Variants in ITPR2 observed in about 807,000 individuals in gnomAD.
The protein encoded by ITPR2 is inositol 1,4,5-trisphosphate-gated calcium channel ITPR2.
Under a neutral mutation model 317.1 loss-of-function variants are expected in ITPR2, and 207 were observed. The observed-to-expected ratio is 0.65, with a 90% CI of 0.58 to 0.73. The LOEUF (loss-of-function observed/expected upper bound fraction) is 0.73, where lower values mean the gene tolerates loss of function less well. Ranked by LOEUF, ITPR2 falls within the 30% of genes least tolerant of loss-of-function variation. The probability of loss-of-function intolerance (pLI) is 0.00; values close to 1 mark genes in which losing one functional copy is unlikely to be tolerated. For missense variants in ITPR2, 2,613 were observed against 3,284.0 expected (o/e 0.80, Z 4.99); for synonymous variants, 1,156 against 1,149.1 (o/e 1.01, Z -0.12).
chr12:26,501,452 T>G (rs2136891085), intron 37 of ITPR2, among the ~76,000 whole-genome samples: 1 of 152,326 alleles, frequency 6.6e-6, no homozygotes, highest in South Asian at 2.1e-4. Context: ...GTTTAATCAT[T>G]TGAACATCTT....
At chr12:26,602,346 G>A in intron 28 of ITPR2, 24 bp downstream of exon 28, 1 of 1,579,592 alleles carries the variant, frequency 6.3e-7, no homozygotes, top group Non-Finnish European at 8.6e-7. Flanking sequence ...AAAAGCTAAA[G>A]AACAAAAAAT....
intron 2 of ITPR2, among the ~76,000 whole-genome samples, chr12:26,737,858 A>G (rs965770402): frequency 6.6e-6 from 1 of 152,210 alleles, no homozygotes; most frequent in East Asian, 1.9e-4. Flanking sequence ...AGTTGTGTTT[A>G]TATTTTGCAG....
chr12:26,741,077 C>T lies in ITPR2; in HGVS notation c.164-15312G>A, dbSNP rs567403397. Among the ~76,000 whole-genome samples, 211 of 152,328 alleles carry T rather than the reference C, an allele frequency of 1.4e-3. 2 individuals carry two copies. Among genetic ancestry groups the T allele is most frequent in the African/African-American group, 4.7e-3 (195 of 41,572 alleles). On this transcript the variant is annotated intron_variant, in intron 2 of 56. Transcript: ENST00000381340. ...TCCACACCTGCTCTTTTCCGAGGAACTCTGCAATTGAGTGGCACCCAATTA... is the reference window on the plus strand; with the variant it reads ...TCCACACCTGCTCTTTTCCGAGGAATTCTGCAATTGAGTGGCACCCAATTA...
At chr12:26,798,930 G>C (rs558083892) in intron 1 of ITPR2, among the ~76,000 whole-genome samples, 3 of 152,338 alleles carry the variant, frequency 2.0e-5, no homozygotes, top group East Asian at 3.9e-4. Flanking sequence ...ATGATGACAA[G>C]AGGAGTTAAG....
intron 2 of ITPR2, among the ~76,000 whole-genome samples, chr12:26,782,037 TAGAGAG>T (rs1177233376): frequency 0.03 from 1,548 of 51,496 alleles, 39 homozygotes; most frequent in African/African-American, 0.066. Context: ...TATATATGTA[TAGAGAG>T]AGAGAGAGAG....
chr12:26,832,603 C>A, intron 1 of ITPR2, 87 bp downstream of exon 1: 1 of 1,008,964 alleles, frequency 9.9e-7, no homozygotes, highest in African/African-American at 1.7e-5. Flanking sequence ...CGCGCGGCAG[C>A]GGGAGGACCG....
chr12:26,496,440 G>A (rs1041850300), intron 37 of ITPR2, among the ~76,000 whole-genome samples: 3 of 152,042 alleles, frequency 2.0e-5, no homozygotes, highest in Admixed American at 2.0e-4. Flanking sequence ...CTCCTCTCCT[G>A]GCTGGCAATT....
intron 48 of ITPR2, 148 bp downstream of exon 48, chr12:26,436,073 C>T (rs879891052): frequency 3.6e-5 from 24 of 662,894 alleles, no homozygotes; most frequent in Non-Finnish European, 5.0e-5. Context: ...CCACACTTTT[C>T]TGCCTGTTCT....
At chr12:26,579,001 C>G (rs1046524637) in intron 33 of ITPR2, among the ~76,000 whole-genome samples, 168 bp from the exon 34 acceptor site, 1 of 152,138 alleles carries the variant, frequency 6.6e-6, no homozygotes, top group Non-Finnish European at 1.5e-5. Flanking sequence ...ATTAGATACT[C>G]TCTTCATGAG....
chr12:26,601,195 C>A (rs1006671729), intron 28 of ITPR2, among the ~76,000 whole-genome samples: 2 of 152,134 alleles, frequency 1.3e-5, no homozygotes, highest in African/African-American at 4.8e-5. Context: ...GTCATGTGGG[C>A]ATTGTTACGA....
At chr12:26,683,630 A>T (rs1045703995) in intron 11 of ITPR2, among the ~76,000 whole-genome samples, 5 of 152,202 alleles carry the variant, frequency 3.3e-5, no homozygotes, top group Non-Finnish European at 7.3e-5. Context: ...TTCGTCAACA[A>T]AAATGTTGCG....
At chr12:26,546,710 C>G (rs948106950) in intron 37 of ITPR2, among the ~76,000 whole-genome samples, 1 of 152,088 alleles carries the variant, frequency 6.6e-6, no homozygotes, top group Non-Finnish European at 1.5e-5. Context: ...AATAGACACA[C>G]AGACCAATGG....
At position 26,681,989 on chromosome 12, in the gene ITPR2, C is replaced by G. The variant is rs771532403; in HGVS notation, c.1294G>C (p.Val432Leu). ...TKEDKEAFAI[V>L]SVPLSEVRDL... ...CGAACTTCAGACAGTGGAACAGACA[C>G]GATTGCGAACGCTTCTTTATCTTCT... is the stretch of plus-strand genomic sequence containing the variant. Residue 432 changes from valine to leucine, a missense_variant, in exon 13 of 57, where the codon GTG becomes CTG. Around this residue, in one of 9 missense-constraint regions of ITPR2, gnomAD observed 515 missense variants for 789.4 expected, o/e 0.65. Transcript: ENST00000381340. 6.2e-7 allele frequency: 1 copy of G among 1,613,638 alleles called. No individual in the cohort carries two copies. Among genetic ancestry groups the G allele is most frequent in the Non-Finnish European group, 8.5e-7 (1 of 1,179,600 alleles).
chr12:26,640,306 T>C (rs1471500377), intron 21 of ITPR2, among the ~76,000 whole-genome samples: 4 of 152,046 alleles, frequency 2.6e-5, no homozygotes, highest in Non-Finnish European at 5.9e-5. Context: ...CAAACCACCA[T>C]GGCACATGTT....
intron 13 of ITPR2, among the ~76,000 whole-genome samples, chr12:26,676,995 C>A (rs1350850719): frequency 6.6e-6 from 1 of 152,040 alleles, no homozygotes; most frequent in Non-Finnish European, 1.5e-5. Context: ...CCAAAGCATG[C>A]CGCGGCACTT....
intron 1 of ITPR2, among the ~76,000 whole-genome samples, chr12:26,811,541 C>G (rs961880822): frequency 5.9e-5 from 9 of 151,910 alleles, no homozygotes; most frequent in African/African-American, 2.2e-4. Flanking sequence ...GTCAGGAGAT[C>G]GAGACCACCC....
At chr12:26,425,465 A>G (rs920929003) in intron 49 of ITPR2, among the ~76,000 whole-genome samples, 2 of 152,062 alleles carry the variant, frequency 1.3e-5, no homozygotes, top group East Asian at 1.9e-4. Context: ...TCAGGAGATC[A>G]AGACCATCCT....
intron 14 of ITPR2, among the ~76,000 whole-genome samples, chr12:26,664,453 G>A (rs1460665220): frequency 6.6e-6 from 1 of 152,212 alleles, no homozygotes; most frequent in African/African-American, 2.4e-5. Flanking sequence ...TTGTAAGAAG[G>A]TTAGCAGTTA....
intron 32 of ITPR2, among the ~76,000 whole-genome samples, chr12:26,593,150 T>C (rs1945750481): frequency 6.6e-6 from 1 of 152,200 alleles, no homozygotes; most frequent in Non-Finnish European, 1.5e-5. Flanking sequence ...TTAGCTACCA[T>C]GCTCTGTCTA....
Sources: gnomAD v4.1 joint callset for allele counts (sites outside exome capture counted in the v4.1 genomes callset) on GRCh38, gnomAD v4.1.1 for gene constraint, gnomAD v4.1.1 regional missense constraint, MANE v1.5 for transcripts, NCBI Gene and HGNC (gene_info 2026-07-23, HGNC 2026-07-21) for gene names.